The following FAT3 variants were observed in gnomAD, a reference collection of about 807,000 sequenced individuals.
FAT3 encodes the protein protocadherin Fat 3.
In FAT3, 95 loss-of-function variants were observed where a neutral mutation model predicts 310.2. That is an observed-to-expected ratio of 0.31 (90% confidence interval 0.26 to 0.36). FAT3 has a LOEUF of 0.36. Ranked by LOEUF, FAT3 falls within the 10% of genes least tolerant of loss-of-function variation. The probability of loss-of-function intolerance (pLI) is 1.00; values close to 1 mark genes in which losing one functional copy is unlikely to be tolerated. For missense variants in FAT3, 5,408 were observed against 5,715.6 expected, an observed-to-expected ratio of 0.95 and a Z score of 1.74; for synonymous variants, 2,314 against 2,192.9, an observed-to-expected ratio of 1.06 and a Z score of -1.54.
intron 2 of FAT3, 119 bp downstream of exon 2, chr11:92,355,523 C>A: frequency 1.0e-6 from 1 of 966,092 alleles, no homozygotes; most frequent in Non-Finnish European, 1.5e-6. Context: ...GCATTTGGTG[C>A]AGAGACGACG....
intron 3 of FAT3, among the ~76,000 whole-genome samples, chr11:92,664,526 T>C (rs766080129): frequency 1.4e-4 from 21 of 152,202 alleles, no homozygotes; most frequent in East Asian, 1.9e-4. Flanking sequence ...CTTTTGTTAT[T>C]CTATAAAATG....
chr11:92,385,040 A>G (rs1303345862), intron 2 of FAT3, among the ~76,000 whole-genome samples: 1 of 152,228 alleles, frequency 6.6e-6, no homozygotes, highest in Non-Finnish European at 1.5e-5. Context: ...TGCACAGCAC[A>G]GCATGGGCAC....
At chr11:92,728,844 G>T (rs1020670450) in intron 4 of FAT3, among the ~76,000 whole-genome samples, 2 of 152,100 alleles carry the variant, frequency 1.3e-5, no homozygotes, top group African/African-American at 4.8e-5. Flanking sequence ...ATCTGCCTGT[G>T]TCTCCTTTAC....
At chr11:92,641,879 C>G (rs1289751093) in intron 3 of FAT3, among the ~76,000 whole-genome samples, 2 of 152,174 alleles carry the variant, frequency 1.3e-5, no homozygotes, top group East Asian at 3.8e-4. Context: ...CAAACAAAAA[C>G]AATGGTTCTT....
Position 92,801,255 on chromosome 11 carries a change from C to G in FAT3, c.8242C>G (p.Pro2748Ala), listed in dbSNP as rs1947342327. 7.4e-6 allele frequency: 12 copies of G among 1,613,782 alleles called. No homozygotes were observed. The highest frequency in any genetic ancestry group is 1.0e-5 in the Non-Finnish European group (12 of 1,179,830). Reference protein sequence around the residue: ...VWFSTVNGERPENNKGGIFVI... With the variant: ...VWFSTVNGERAENNKGGIFVI... ...GTTCAGCACAGTTAATGGGGAACGG[C>G]CAGAAAATAACAAAGGGGGCATATT... Residue 2748 changes from proline to alanine, a missense_variant, in exon 10 of 28, where the codon CCA becomes GCA. Transcript: ENST00000525166.
intron 17 of FAT3, among the ~76,000 whole-genome samples, chr11:92,839,913 C>T (rs1418730649): frequency 1.3e-5 from 2 of 152,120 alleles, no homozygotes; most frequent in Admixed American, 6.5e-5. Flanking sequence ...ATCAGGACTT[C>T]CAAGAATTCT....
At chr11:92,741,970 T>C (rs926669662) in intron 4 of FAT3, among the ~76,000 whole-genome samples, 16 of 152,190 alleles carry the variant, frequency 1.1e-4, no homozygotes, top group African/African-American at 3.9e-4. Flanking sequence ...CAAAACAGAA[T>C]AATTTCTTCA....
At position 92,729,627 on chromosome 11, in the gene FAT3, A is replaced by C. The variant is rs1265499352; in HGVS notation, c.3669+32182A>C. Among the ~76,000 whole-genome samples, 3 of 151,772 alleles carry C rather than the reference A, an allele frequency of 2.0e-5. No individual in the cohort carries two copies. The East Asian group carries it at 5.8e-4, about 29-fold the overall frequency. ...ATTTTAGTAGAGACTGGGTTTCACC[A>C]TGTTGGCCAGGATGGTCTCGATCTC... On this transcript the variant is annotated intron_variant, in intron 4 of 27. Transcript: ENST00000525166.
Position 92,790,065 on chromosome 11 carries a change from T to C in FAT3, c.4458T>C (p.Asp1486=), listed in dbSNP as rs752297391. Reference sequence around the variant, plus strand: ...AGATCCTGCAGATTGAAGCCACAGATAGAGATGAGAAGCACAAGCTGAGCT... The same window carrying C: ...AGATCCTGCAGATTGAAGCCACAGACAGAGATGAGAAGCACAAGCTGAGCT... ...DTEILQIEAT[D]RDEKHKLSYT... Residue 1486 remains aspartate, a synonymous_variant, in exon 8 of 28, where the codon GAT becomes GAC. Coordinates refer to ENST00000525166, the MANE Select transcript of FAT3 (RefSeq NM_001367949.2). The C allele has an allele frequency of 2.5e-6, 4 of 1,613,766 alleles. No individual in the cohort carries two copies. The East Asian group carries it at 8.9e-5, about 36-fold the overall frequency.
chr11:92,534,720 G>T (rs1026774928), intron 3 of FAT3, among the ~76,000 whole-genome samples: 4 of 152,142 alleles, frequency 2.6e-5, no homozygotes, highest in Non-Finnish European at 5.9e-5. Flanking sequence ...AAGACAACGT[G>T]CAGAGAAAAA....
chr11:92,867,129 T>C lies in FAT3; in HGVS notation c.12047T>C (p.Leu4016Pro). The C allele has an allele frequency of 6.2e-7, 1 of 1,602,686 alleles. No individual in the cohort carries two copies. Among genetic ancestry groups the C allele is most frequent in the Non-Finnish European group, 8.5e-7 (1 of 1,175,596 alleles). ...GTGGTGGGCCTGACGGAGCTGAAGC[T>C]GGGCTGCGTGCTCTATCCCGACGCC... ...AEVVGLTELK[L>P]GCVLYPDACK... The change falls in exon 22 of 28, where the codon CTG becomes CCG. Residue 4016 changes from leucine to proline, a missense_variant. Coordinates refer to ENST00000525166, the MANE Select transcript of FAT3 (RefSeq NM_001367949.2).
intron 1 of FAT3, among the ~76,000 whole-genome samples, chr11:92,227,912 A>G (rs1863989413): frequency 7.9e-6 from 1 of 126,632 alleles, no homozygotes; most frequent in Non-Finnish European, 1.8e-5. Flanking sequence ...GGAGTGGGGG[A>G]AGTTTTTTTT....
intron 1 of FAT3, among the ~76,000 whole-genome samples, chr11:92,332,081 G>T (rs1035613742): frequency 6.6e-6 from 1 of 152,222 alleles, no homozygotes; most frequent in African/African-American, 2.4e-5. Flanking sequence ...GAAAAAGCAG[G>T]TAGGGAGGGG....
At chr11:92,633,501 C>T (rs1452476291) in intron 3 of FAT3, among the ~76,000 whole-genome samples, 1 of 152,190 alleles carries the variant, frequency 6.6e-6, no homozygotes, top group East Asian at 1.9e-4. Context: ...ATCTAGTAGA[C>T]TGTTGACTAG....
At chr11:92,722,275 G>A (rs1944883501) in intron 4 of FAT3, among the ~76,000 whole-genome samples, 1 of 152,122 alleles carries the variant, frequency 6.6e-6, no homozygotes, top group Non-Finnish European at 1.5e-5. Context: ...AGGGGTTACA[G>A]GCCCCCTGCA....
At chr11:92,296,340 C>T (rs1056730702) in intron 1 of FAT3, among the ~76,000 whole-genome samples, 1 of 152,060 alleles carries the variant, frequency 6.6e-6, no homozygotes, top group African/African-American at 2.4e-5. Flanking sequence ...ACTCAGCTTC[C>T]ATCTCTGGGA....
intron 1 of FAT3, among the ~76,000 whole-genome samples, chr11:92,229,510 T>TTTTCTTTTTTTTTTTTTTTTTTTTTTTTC (rs1440088788): frequency 1.3e-5 from 1 of 77,142 alleles, no homozygotes; most frequent in African/African-American, 4.0e-5. Flanking sequence ...TTTTTTTGTT[T>TTTTCTTTTTTTTTTTTTTTTTTTTTTTTC]TTTGTTTTTT....
intron 3 of FAT3, among the ~76,000 whole-genome samples, chr11:92,657,980 C>T (rs539238504): frequency 6.6e-6 from 1 of 151,822 alleles, no homozygotes; most frequent in South Asian, 2.1e-4. Context: ...TTCTACTTGC[C>T]ACATTAAAAA....
intron 4 of FAT3, among the ~76,000 whole-genome samples, chr11:92,746,487 T>G (rs1272986263): frequency 6.6e-6 from 1 of 152,158 alleles, no homozygotes; most frequent in Non-Finnish European, 1.5e-5. Context: ...CAAGGTGAGA[T>G]TTGGGTGGGG....
Sources: allele counts gnomAD v4.1 joint callset (sites outside exome capture counted in the v4.1 genomes callset), GRCh38; gene constraint gnomAD v4.1.1; transcripts MANE v1.5; gene names NCBI Gene and HGNC (gene_info 2026-07-23, HGNC 2026-07-21).